FHIT: variants seen among roughly 807,000 people sequenced by gnomAD.
FHIT encodes the protein fragile histidine triad diadenosine triphosphatase.
A neutral mutation model predicts 17.9 loss-of-function variants in FHIT; 19 were observed. The ratio of observed to expected loss-of-function variants is 1.06; its 90% confidence interval spans 0.74 to 1.56. The LOEUF is 1.56. Ranked by LOEUF, FHIT falls within the 40% of genes most tolerant of loss-of-function variation. FHIT has a pLI of 0.00. For missense variants in FHIT, 248 were observed against 189.2 expected (o/e 1.31, Z -1.82); for synonymous variants, 81 against 69.7 (o/e 1.16, Z -0.81).
rs138615444 is a variant in FHIT, at chr3:60,412,077, A to T, written c.103+124783T>A. ...ATACACCTGCAGTGTTTTAGCTTGG[A>T]AAGTTTTAAAAAGTAAACAGGACAT... On this transcript the variant is annotated intron_variant, in intron 5 of 9. Transcript: ENST00000492590. 1.5e-3 allele frequency among the ~76,000 whole-genome samples: 226 copies of T among 152,150 alleles called. 2 individuals carry two copies. The highest frequency in any genetic ancestry group is 2.9e-3 in the Non-Finnish European group (199 of 67,998).
intron 4 of FHIT, among the ~76,000 whole-genome samples, chr3:60,616,268 T>C (rs147901826): frequency 1.3e-5 from 2 of 152,340 alleles, no homozygotes; most frequent in African/African-American, 4.8e-5. Flanking sequence ...TAATTTATTA[T>C]ACAAATCTTC....
At chr3:59,979,120 CAT>C (rs950911296) in intron 7 of FHIT, among the ~76,000 whole-genome samples, 7 of 152,142 alleles carry the variant, frequency 4.6e-5, no homozygotes, top group African/African-American at 1.7e-4. Context: ...ACTGTTTTAA[CAT>C]GTGTGCCTAA....
intron 8 of FHIT, among the ~76,000 whole-genome samples, chr3:59,756,468 G>A (rs1559576003): frequency 6.7e-6 from 1 of 149,666 alleles, no homozygotes; most frequent in East Asian, 1.9e-4. Context: ...CCAGGAGTAT[G>A]GTTGCCAGAT....
At chr3:61,222,476 C>T (rs1387911334) in intron 1 of FHIT, among the ~76,000 whole-genome samples, 1 of 152,168 alleles carries the variant, frequency 6.6e-6, no homozygotes. Context: ...GAGGTCTGGG[C>T]ACCAGCGGCA....
At chr3:61,028,164 A>G (rs1460678006) in intron 3 of FHIT, among the ~76,000 whole-genome samples, 1 of 152,222 alleles carries the variant, frequency 6.6e-6, no homozygotes, top group Non-Finnish European at 1.5e-5. Context: ...ATCCTGCACA[A>G]TGATGAAGTA....
At chr3:60,628,191 A>G (rs782607321) in intron 4 of FHIT, among the ~76,000 whole-genome samples, 5 of 152,042 alleles carry the variant, frequency 3.3e-5, no homozygotes, top group African/African-American at 4.8e-5. Context: ...TTTCATTGTG[A>G]TTTTTTAAAT....
chr3:60,481,006 C>T (rs934999050), intron 5 of FHIT, among the ~76,000 whole-genome samples: 1 of 152,200 alleles, frequency 6.6e-6, no homozygotes, highest in Non-Finnish European at 1.5e-5. Flanking sequence ...ACTGCCCTAG[C>T]AGAGGTTTTC....
At chr3:60,349,120 AAGT>A in intron 5 of FHIT, among the ~76,000 whole-genome samples, 1 of 152,364 alleles carries the variant, frequency 6.6e-6, no homozygotes, top group East Asian at 1.9e-4. Context: ...CATAAAATCA[AAGT>A]AGTACTGGGT....
chr3:59,861,744 T>C (rs1483958618), intron 8 of FHIT, among the ~76,000 whole-genome samples: 1 of 152,200 alleles, frequency 6.6e-6, no homozygotes, highest in African/African-American at 2.4e-5. Context: ...TCTATTTTCA[T>C]AAATTAGACC....
chr3:60,716,350 C>A (rs912042441), intron 4 of FHIT, among the ~76,000 whole-genome samples: 1 of 151,952 alleles, frequency 6.6e-6, no homozygotes, highest in East Asian at 1.9e-4. Context: ...TTCTTTATAT[C>A]CTTTTTCTAT....
chr3:60,497,372 T>G (rs2034343316), intron 5 of FHIT, among the ~76,000 whole-genome samples: 1 of 152,336 alleles, frequency 6.6e-6, no homozygotes, highest in African/African-American at 2.4e-5. Context: ...TAAGAAGGAC[T>G]GCCACATTAT....
intron 5 of FHIT, 169 bp downstream of exon 5, chr3:60,536,691 G>T: frequency 1.7e-6 from 1 of 603,656 alleles, no homozygotes; most frequent in South Asian, 4.0e-5. Flanking sequence ...ACTGGATTCA[G>T]AATAAATATG....
intron 2 of FHIT, among the ~76,000 whole-genome samples, chr3:61,094,097 C>T (rs1413404797): frequency 1.3e-5 from 2 of 149,578 alleles, no homozygotes; most frequent in Admixed American, 6.6e-5. Context: ...CACATATGCA[C>T]ATATATACAT....
At chr3:61,175,025 G>A (rs1478102734) in intron 2 of FHIT, among the ~76,000 whole-genome samples, 5 of 152,044 alleles carry the variant, frequency 3.3e-5, no homozygotes, top group Admixed American at 3.3e-4. Context: ...AGAAGACCTG[G>A]ATCCTAACAG....
chr3:60,325,667 A>C (rs909129121), intron 5 of FHIT, among the ~76,000 whole-genome samples: 1 of 152,256 alleles, frequency 6.6e-6, no homozygotes, highest in Non-Finnish European at 1.5e-5. Context: ...TTTCTACAGT[A>C]CAAGACATTT....
chr3:60,519,025 C>T (rs1277178192), intron 5 of FHIT, among the ~76,000 whole-genome samples: 1 of 152,046 alleles, frequency 6.6e-6, no homozygotes, highest in Non-Finnish European at 1.5e-5. Flanking sequence ...TTTTTACATA[C>T]ATATTAAAAC....
At chr3:59,972,280 T>G (rs1321192696) in intron 7 of FHIT, among the ~76,000 whole-genome samples, 1 of 152,056 alleles carries the variant, frequency 6.6e-6, no homozygotes, top group East Asian at 1.9e-4. Context: ...TGGGGCCTTG[T>G]GAGACATAGG....
chr3:60,025,060 G>C (rs1700690079), intron 5 of FHIT, among the ~76,000 whole-genome samples: 1 of 152,202 alleles, frequency 6.6e-6, no homozygotes, highest in African/African-American at 2.4e-5. Context: ...AAAAGGAAGA[G>C]AAGGATCAAA....
chr3:60,663,922 T>G (rs1367409775), intron 4 of FHIT, among the ~76,000 whole-genome samples: 1 of 152,226 alleles, frequency 6.6e-6, no homozygotes, highest in Non-Finnish European at 1.5e-5. Flanking sequence ...GGATTATATA[T>G]GTAGACAATC....
Sources: allele counts gnomAD v4.1 joint callset (sites outside exome capture counted in the v4.1 genomes callset), GRCh38; gene constraint gnomAD v4.1.1; transcripts MANE v1.5; gene names NCBI Gene and HGNC (gene_info 2026-07-23, HGNC 2026-07-21).